CHD7: variants seen among roughly 807,000 people sequenced by gnomAD.
CHD7 encodes the protein ATP-dependent chromatin remodeler CHD7.
In CHD7, 24 loss-of-function variants were observed where a neutral mutation model predicts 307.3. The ratio of observed to expected loss-of-function variants is 0.08; its 90% CI spans 0.06 to 0.11. The LOEUF (loss-of-function observed/expected upper bound fraction) is 0.11, where lower values mean the gene tolerates loss of function less well. Among genes scored for constraint, CHD7 ranks in the 10% least tolerant of loss-of-function variants. The probability of loss-of-function intolerance (pLI) is 1.00; values close to 1 mark genes in which losing one functional copy is unlikely to be tolerated. For missense variants in CHD7, 3,106 were observed against 3,727.1 expected (o/e 0.83, Z 4.34); for synonymous variants, 1,363 against 1,349.9 (o/e 1.01, Z -0.21).
At chr8:60,695,568 T>C (rs1307797905) in intron 1 of CHD7, among the ~76,000 whole-genome samples, 2 of 152,194 alleles carry the variant, frequency 1.3e-5, no homozygotes, top group East Asian at 3.9e-4. Context: ...TTGTCTCATG[T>C]TTGATGCTTT....
At chr8:60,694,775 GA>G (rs1357366278) in intron 1 of CHD7, among the ~76,000 whole-genome samples, 1 of 152,230 alleles carries the variant, frequency 6.6e-6, no homozygotes. Flanking sequence ...GGGACTCAGG[GA>G]AGATCAGTTA....
At chr8:60,684,415 A>G (rs1173251779) in intron 1 of CHD7, among the ~76,000 whole-genome samples, 1 of 152,180 alleles carries the variant, frequency 6.6e-6, no homozygotes, top group Non-Finnish European at 1.5e-5. Flanking sequence ...ATGAATTGTC[A>G]ATATAGTGAT....
intron 2 of CHD7, among the ~76,000 whole-genome samples, chr8:60,766,719 T>A (rs1269402873): frequency 1.3e-5 from 2 of 152,224 alleles, no homozygotes; most frequent in African/African-American, 4.8e-5. Flanking sequence ...CTTCTGCTAC[T>A]GGTGCAGTAA....
intron 6 of CHD7, among the ~76,000 whole-genome samples, chr8:60,802,015 G>GT (rs1456883660): frequency 1.3e-5 from 2 of 152,240 alleles, no homozygotes; most frequent in African/African-American, 4.8e-5. Flanking sequence ...CATGTGTTTT[G>GT]TAACATTTTC....
At chr8:60,699,684 C>A (rs541293984) in intron 1 of CHD7, among the ~76,000 whole-genome samples, 9 of 152,172 alleles carry the variant, frequency 5.9e-5, no homozygotes, top group African/African-American at 2.2e-4. Context: ...ATAAATAGGG[C>A]AAGACCTTAA....
intron 7 of CHD7, among the ~76,000 whole-genome samples, chr8:60,814,051 CTTA>C (rs899796384): frequency 2.6e-5 from 4 of 152,140 alleles, no homozygotes; most frequent in Non-Finnish European, 4.4e-5. Context: ...TAATATTTTT[CTTA>C]CATTGACTTC....
chr8:60,728,840 G>C (rs2150557775), intron 1 of CHD7, among the ~76,000 whole-genome samples: 1 of 152,174 alleles, frequency 6.6e-6, no homozygotes, highest in Admixed American at 6.5e-5. Context: ...TTGTAGGTTT[G>C]GGGGTACATG....
At chr8:60,831,064 C>T (rs1030212976) in intron 15 of CHD7, among the ~76,000 whole-genome samples, 6 of 152,162 alleles carry the variant, frequency 3.9e-5, no homozygotes, top group Non-Finnish European at 7.4e-5. Flanking sequence ...AAAAAATTAA[C>T]TTAAAGCTTT....
intron 1 of CHD7, among the ~76,000 whole-genome samples, chr8:60,691,718 T>C (rs893447632): frequency 2.6e-5 from 4 of 152,238 alleles, no homozygotes; most frequent in East Asian, 1.9e-4. Flanking sequence ...GCGGAAATAA[T>C]GCATCCATTG....
intron 1 of CHD7, among the ~76,000 whole-genome samples, chr8:60,726,478 CAA>C (rs1808164429): frequency 6.6e-6 from 1 of 152,130 alleles, no homozygotes; most frequent in African/African-American, 2.4e-5. Context: ...ATTAAGATAA[CAA>C]AGTTTATTTT....
At position 60,828,748 on chromosome 8, in the gene CHD7, G is replaced by A. The variant is rs762669262; in HGVS notation, c.3464G>A (p.Arg1155His). Residue 1155 changes from arginine (R) to histidine (H), a missense_variant, in exon 14 of 38, where the codon CGC (arginine) becomes CAC (histidine). By Grantham distance (29) the Arg-to-His change is conservative. Transcript: ENST00000423902. The part of the protein sequence containing the change: ...FSLLHFLEPS[R>H]FPSETTFMQE... ...TTGCTTCATTTCTTGGAACCAAGTC[G>A]CTTCCCTTCAGAAACCACATTTATG... 49 of 1,613,476 alleles carry A rather than the reference G, an allele frequency of 3.0e-5. No homozygotes were observed. Among genetic ancestry groups the A allele is most frequent in the African/African-American group, 1.1e-4 (8 of 74,912 alleles).
chr8:60,865,611 A>G lies in CHD7; in HGVS notation c.8672A>G (p.Asn2891Ser), dbSNP rs202039728. 2.9e-4 allele frequency: 468 copies of G among 1,613,530 alleles called. 1 individual carries two copies. The highest frequency in any genetic ancestry group is 6.2e-4 in the Admixed American group (37 of 60,020). Residue 2891 changes from asparagine (N) to serine (S), a missense_variant, in exon 38 of 38, where the codon AAC becomes AGC. This residue lies in a region of CHD7 where 351 missense variants were observed against 366.2 expected (regional missense o/e 0.96). Transcript: ENST00000423902. The surrounding 1 kb of genome is among the most constrained non-coding windows in gnomAD (Gnocchi z 4.3). ...AGLPSNPLAF[N>S]PFLLSTMAPG... ...TTGCCCTCAAACCCGCTAGCCTTCAACCCTTTCCTCCTGTCCACAATGGCC... is the reference window on the plus strand; with the variant it reads ...TTGCCCTCAAACCCGCTAGCCTTCAGCCCTTTCCTCCTGTCCACAATGGCC...
chr8:60,824,639 T>A (rs910484451), intron 13 of CHD7: 3 of 152,396 alleles, frequency 2.0e-5, no homozygotes, highest in African/African-American at 7.2e-5. Flanking sequence ...AAGTTCTCAA[T>A]GAGTTGGGTA....
chr8:60,702,965 G>GA, intron 1 of CHD7, among the ~76,000 whole-genome samples: 1 of 152,330 alleles, frequency 6.6e-6, no homozygotes, highest in Admixed American at 6.5e-5. Context: ...CAGAAAAGAA[G>GA]GCCGCTCTGG....
chr8:60,773,300 C>T (rs1028438993), intron 2 of CHD7, among the ~76,000 whole-genome samples: 15 of 152,134 alleles, frequency 9.9e-5, no homozygotes, highest in African/African-American at 3.4e-4. Flanking sequence ...TCTTTTTTCT[C>T]ACAAAATTAC....
Position 60,741,734 on chromosome 8 carries a change from C to A in CHD7, c.302C>A (p.Pro101Gln), listed in dbSNP as rs769161426. The change falls in exon 2 of 38, where the codon CCG (proline) becomes CAG (glutamine). Residue 101 changes from proline to glutamine, a missense_variant. Pro to Gln is a moderately conservative substitution (Grantham distance 76, BLOSUM62 -1). Around this residue, in one of 10 missense-constraint regions of CHD7, gnomAD observed 998 missense variants for 1,004.5 expected, o/e 0.99. Coordinates refer to ENST00000423902, the MANE Select transcript of CHD7 (RefSeq NM_017780.4). ...SNTPGNGLAS[P>Q]HSQYHTPPVP... ...ACCCCTGGGAACGGACTCGCGTCTCCGCACTCGCAGTATCACACCCCTCCC... is the reference window on the plus strand; with the variant it reads ...ACCCCTGGGAACGGACTCGCGTCTCAGCACTCGCAGTATCACACCCCTCCC... 2 of 1,613,946 alleles carry A rather than the reference C, an allele frequency of 1.2e-6. No homozygotes were observed. The highest frequency in any genetic ancestry group is 1.7e-6 in the Non-Finnish European group (2 of 1,179,858).
At chr8:60,714,944 C>A (rs1475969271) in intron 1 of CHD7, among the ~76,000 whole-genome samples, 4 of 152,214 alleles carry the variant, frequency 2.6e-5, no homozygotes, top group African/African-American at 9.7e-5. Flanking sequence ...AGGGCGCAGG[C>A]GCCATAGTGG....
intron 15 of CHD7, among the ~76,000 whole-genome samples, chr8:60,835,538 C>T (rs1804703226): frequency 6.6e-6 from 1 of 152,136 alleles, no homozygotes; most frequent in Admixed American, 6.5e-5. Context: ...GGAAATTGTC[C>T]TGGAAATAAA....
In CHD7 at chr8:60,836,113, C is replaced by T; in HGVS notation, c.3819C>T (p.His1273=). 6 of 1,613,078 alleles carry T rather than the reference C, an allele frequency of 3.7e-6. No homozygotes were observed. Among genetic ancestry groups the T allele is most frequent in the South Asian group, 2.2e-5 (2 of 90,744 alleles). ...EKILEEFKET[H]NAESPDFQLQ... ...TTTTGGAAGAGTTTAAAGAAACACA[C>T]AATGCAGAGTCTCCAGATTTTCAGC... Residue 1273 remains histidine (H), a synonymous_variant, in exon 16 of 38, where the codon CAC becomes CAT. Transcript: ENST00000423902.
Sources: allele counts gnomAD v4.1 joint callset (sites outside exome capture counted in the v4.1 genomes callset), GRCh38; gene constraint gnomAD v4.1.1; regional missense constraint gnomAD v4.1.1; non-coding constraint Gnocchi (gnomAD v3.1); transcripts MANE v1.5; gene names NCBI Gene and HGNC (gene_info 2026-07-23, HGNC 2026-07-21).